The following PCDH17 variants were observed in gnomAD, a reference collection of about 807,000 sequenced individuals.
PCDH17 encodes protocadherin-17.
PCDH17 carries 21 observed loss-of-function variants against 67.7 expected under a neutral mutation model. The ratio of observed to expected loss-of-function variants is 0.31; its 90% CI spans 0.22 to 0.45. The LOEUF (loss-of-function observed/expected upper bound fraction) is 0.45. Among genes scored for constraint, PCDH17 ranks in the 20% least tolerant of loss-of-function variants. The pLI is 1.00. For synonymous variants in PCDH17, 701 were observed against 656.7 expected (o/e 1.07, Z -1.03); for missense variants, 1,471 against 1,564.8 (o/e 0.94, Z 1.01).
chr13:57,682,545 A>G (rs1202670645), intron 3 of PCDH17, among the ~76,000 whole-genome samples: 1 of 151,820 alleles, frequency 6.6e-6, no homozygotes, highest in Non-Finnish European at 1.5e-5. Context: ...AGCTCACTCT[A>G]CAACCAGCCA....
At chr13:57,679,261 A>T (rs1448609892) in intron 3 of PCDH17, among the ~76,000 whole-genome samples, 1 of 151,448 alleles carries the variant, frequency 6.6e-6, no homozygotes, top group Non-Finnish European at 1.5e-5. Context: ...AAGCAGTTGT[A>T]TAATGAAAAA....
intron 3 of PCDH17, among the ~76,000 whole-genome samples, chr13:57,679,691 T>A (rs928174413): frequency 3.3e-5 from 5 of 151,568 alleles, no homozygotes; most frequent in Non-Finnish European, 7.4e-5. Context: ...TCTTTCTAAT[T>A]TGAATTACCG....
At position 57,680,669 on chromosome 13, in the gene PCDH17, TTCA is replaced by T. The variant is rs370966135; in HGVS notation, c.2797+13840_2797+13842del. ...AACAACTTGATGGCCAAGCTGATCA[TTCA>T]TCAAGTTTCAAAAGGACAGTGGCAT... On this transcript the variant is annotated intron_variant, in intron 3 of 3. Coordinates refer to ENST00000377918, the MANE Select transcript of PCDH17 (RefSeq NM_001040429.3). Among the ~76,000 whole-genome samples the T allele has an allele frequency of 2.2e-3, 333 of 151,832 alleles. 2 individuals are homozygous for T. Among genetic ancestry groups the T allele is most frequent in the African/African-American group, 7.4e-3 (308 of 41,502 alleles).
At position 57,666,532 on chromosome 13, in the gene PCDH17, G is replaced by A. The variant is rs777865184; in HGVS notation, c.2624+6G>A. On this transcript the variant is annotated splice_donor_region_variant and intron_variant, in intron 2 of 3. Transcript: ENST00000377918. ...AGGCAGCAGTTTGTTCAAAGGTAAG[G>A]CCTATTAAATAACTTTTCTCAGCTT... is the stretch of plus-strand genomic sequence containing the variant. The A allele has an allele frequency of 5.6e-6, 9 of 1,613,480 alleles. No homozygotes were observed. Among genetic ancestry groups the A allele is most frequent in the Non-Finnish European group, 6.8e-6 (8 of 1,179,520 alleles).
At chr13:57,683,159 T>C (rs1199063951) in intron 3 of PCDH17, among the ~76,000 whole-genome samples, 1 of 151,936 alleles carries the variant, frequency 6.6e-6, no homozygotes, top group Non-Finnish European at 1.5e-5. Context: ...AATGAAGTTC[T>C]AACCAGCCTA....
intron 3 of PCDH17, among the ~76,000 whole-genome samples, chr13:57,681,186 T>C (rs1216929361): frequency 6.6e-6 from 1 of 151,714 alleles, no homozygotes; most frequent in Non-Finnish European, 1.5e-5. Context: ...TCTCATGCCA[T>C]GTCTGTACTT....
rs772264760 is a variant in PCDH17, at chr13:57,632,855, G to A, written c.309G>A (p.Gln103=). ...TGTGCCGCCACAATGCCAAGTGCCA[G>A]CTGTCCCTCGAGGTGTTCGCCAACG... ...ESLCRHNAKC[Q]LSLEVFANDK... The change falls in exon 1 of 4, where the codon CAG becomes CAA. Residue 103 remains glutamine (Q), a synonymous_variant. Transcript: ENST00000377918. 1 of 1,614,030 alleles carries A rather than the reference G, an allele frequency of 6.2e-7. No homozygotes were observed. The highest frequency in any genetic ancestry group is 1.7e-5 in the Admixed American group (1 of 60,022).
At chr13:57,674,984 G>GT (rs1955374277) in intron 3 of PCDH17, among the ~76,000 whole-genome samples, 1 of 151,848 alleles carries the variant, frequency 6.6e-6, no homozygotes, top group South Asian at 2.1e-4. Flanking sequence ...CAGGTTTGTG[G>GT]TTTTCCACTG....
chr13:57,665,611 G>C (rs1955242978), intron 1 of PCDH17, among the ~76,000 whole-genome samples: 4 of 152,114 alleles, frequency 2.6e-5, no homozygotes, highest in Admixed American at 2.6e-4. Flanking sequence ...TCAGCTGCAA[G>C]AAGAAGTAAT....
intron 1 of PCDH17, among the ~76,000 whole-genome samples, chr13:57,652,925 T>G (rs1325474843): frequency 6.6e-6 from 1 of 152,140 alleles, no homozygotes; most frequent in East Asian, 1.9e-4. Context: ...AGATTGCAGG[T>G]CACTTTGGAG....
intron 1 of PCDH17, among the ~76,000 whole-genome samples, chr13:57,657,548 A>C (rs1047027127): frequency 1.3e-5 from 2 of 152,190 alleles, no homozygotes; most frequent in African/African-American, 4.8e-5. Flanking sequence ...GTGGAAGGCA[A>C]AGCTATCAGA....
chr13:57,712,410 GTTA>G (rs1197149893), intron 3 of PCDH17, among the ~76,000 whole-genome samples: 1 of 151,740 alleles, frequency 6.6e-6, no homozygotes, highest in Non-Finnish European at 1.5e-5. Flanking sequence ...TTAGGGTCCA[GTTA>G]GAAGATTACT....
chr13:57,724,693 C>T lies in PCDH17; in HGVS notation c.2879C>T (p.Ala960Val). The T allele has an allele frequency of 1.2e-6, 2 of 1,614,054 alleles. No individual in the cohort carries two copies. Among genetic ancestry groups the T allele is most frequent in the South Asian group, 1.1e-5 (1 of 91,078 alleles). The change falls in exon 4 of 4, where the codon GCA becomes GTA. Residue 960 changes from alanine to valine, a missense_variant. Transcript: ENST00000377918. ...AGGTGCTGGATGCCACAGTTCCCTG[C>T]AGCCAATCAGGCTGAAAATGCAGAT... is the stretch of plus-strand genomic sequence containing the variant. ...SDRCWMPQFP[A>V]ANQAENADYR...
chr13:57,685,509 T>G (rs1157806483), intron 3 of PCDH17, among the ~76,000 whole-genome samples: 1 of 152,024 alleles, frequency 6.6e-6, no homozygotes, highest in Non-Finnish European at 1.5e-5. Context: ...TGGATGTTTG[T>G]GTTTTTCAAA....
At chr13:57,714,169 A>T (rs1172602200) in intron 3 of PCDH17, among the ~76,000 whole-genome samples, 1 of 151,756 alleles carries the variant, frequency 6.6e-6, no homozygotes, top group African/African-American at 2.4e-5. Flanking sequence ...GATGAACTGC[A>T]TCTGAATTAA....
At chr13:57,669,001 C>T (rs1285338521) in intron 3 of PCDH17, among the ~76,000 whole-genome samples, 1 of 151,994 alleles carries the variant, frequency 6.6e-6, no homozygotes, top group Admixed American at 6.6e-5. Context: ...CTCCCCCCAC[C>T]CCACAACAGG....
Position 57,669,539 on chromosome 13 carries a change from C to T in PCDH17, c.2797+2706C>T, listed in dbSNP as rs1043175190. 2.6e-5 allele frequency among the ~76,000 whole-genome samples: 4 copies of T among 152,112 alleles called. No individual in the cohort carries two copies. The South Asian group carries it at 6.2e-4, about 24-fold the overall frequency. Reference sequence around the variant, plus strand: ...ATCTGTCAGTCTGTCTTTCAACTATCTATGTTTGTATCTGTTCATCTAGAT... The same window carrying T: ...ATCTGTCAGTCTGTCTTTCAACTATTTATGTTTGTATCTGTTCATCTAGAT... On this transcript the variant is annotated intron_variant, in intron 3 of 3. Coordinates refer to ENST00000377918, the MANE Select transcript of PCDH17 (RefSeq NM_001040429.3).
At chr13:57,717,766 T>C (rs1281019989) in intron 3 of PCDH17, among the ~76,000 whole-genome samples, 1 of 152,062 alleles carries the variant, frequency 6.6e-6, no homozygotes, top group Non-Finnish European at 1.5e-5. Context: ...CAAAAGCAGA[T>C]AGAATAGCAC....
At chr13:57,642,370 A>T (rs566400681) in intron 1 of PCDH17, among the ~76,000 whole-genome samples, 2 of 151,764 alleles carry the variant, frequency 1.3e-5, no homozygotes, top group Non-Finnish European at 3.0e-5. Flanking sequence ...TTTTGTAGAT[A>T]TATACTCTTA....
Sources: gnomAD v4.1 joint callset for allele counts (sites outside exome capture counted in the v4.1 genomes callset) on GRCh38, gnomAD v4.1.1 for gene constraint, MANE v1.5 for transcripts, NCBI Gene and HGNC (gene_info 2026-07-23, HGNC 2026-07-21) for gene names.